The following TBC1D32 variants were observed in gnomAD, a reference collection of about 807,000 sequenced individuals.
The protein encoded by TBC1D32 is TBC1 domain family member 32, also known as protein broad-minded.
In TBC1D32, 151 loss-of-function variants were observed where a neutral mutation model predicts 170.3. That is an observed-to-expected ratio of 0.89 (90% CI 0.78 to 1.01). The LOEUF (loss-of-function observed/expected upper bound fraction) is 1.01, where lower values mean the gene tolerates loss of function less well. Ranked by LOEUF, TBC1D32 falls within the 50% of genes least tolerant of loss-of-function variation. The probability of loss-of-function intolerance (pLI) is 0.00; values close to 1 mark genes in which losing one functional copy is unlikely to be tolerated. For synonymous variants in TBC1D32, 498 were observed against 488.0 expected, an observed-to-expected ratio of 1.02 and a Z score of -0.27; for missense variants, 1,464 against 1,457.1, an observed-to-expected ratio of 1.00 and a Z score of -0.08.
intron 15 of TBC1D32, among the ~76,000 whole-genome samples, chr6:121,266,807 G>A (rs528566678): frequency 5.3e-5 from 8 of 151,802 alleles, no homozygotes; most frequent in Non-Finnish European, 1.2e-4. Flanking sequence ...AAACTAACAC[G>A]GAAACAAAAA....
At chr6:121,251,966 GA>G (rs570787083) in intron 17 of TBC1D32, among the ~76,000 whole-genome samples, 4 of 152,158 alleles carry the variant, frequency 2.6e-5, no homozygotes, top group African/African-American at 9.6e-5. Flanking sequence ...AGAAACATAT[GA>G]AAAAAAGTTC....
chr6:121,142,064 T>C (rs1273741), intron 24 of TBC1D32, among the ~76,000 whole-genome samples: 25,814 of 152,260 alleles, frequency 0.17, 2,822 homozygotes, highest in African/African-American at 0.28. Flanking sequence ...AAATTGTGTT[T>C]GCTCCAAGCC....
intron 1 of TBC1D32, among the ~76,000 whole-genome samples, chr6:121,330,394 C>T (rs1186094257): frequency 1.3e-5 from 2 of 152,126 alleles, no homozygotes; most frequent in Admixed American, 1.3e-4. Flanking sequence ...ATTAAAAAGT[C>T]ACCGGTGAAT....
chr6:121,223,607 C>T (rs920889189), intron 20 of TBC1D32, among the ~76,000 whole-genome samples: 4 of 152,078 alleles, frequency 2.6e-5, no homozygotes, highest in African/African-American at 9.7e-5. Context: ...TTTAAAATGT[C>T]ATATATCTCT....
chr6:121,268,986 C>G (rs1366660953), intron 15 of TBC1D32, among the ~76,000 whole-genome samples: 2 of 152,134 alleles, frequency 1.3e-5, no homozygotes, highest in Admixed American at 1.3e-4. Context: ...GAATTTTCAA[C>G]CCAGAATTTC....
chr6:121,198,203 A>T (rs1002172675), intron 22 of TBC1D32, among the ~76,000 whole-genome samples: 1 of 138,532 alleles, frequency 7.2e-6, no homozygotes, highest in Non-Finnish European at 1.5e-5. Context: ...TATATATTTT[A>T]TATATTATAT....
intron 24 of TBC1D32, among the ~76,000 whole-genome samples, chr6:121,135,699 G>C (rs945691191): frequency 6.6e-6 from 1 of 152,160 alleles, no homozygotes; most frequent in Non-Finnish European, 1.5e-5. Context: ...TCACAAGGCT[G>C]AGAAAGCAAC....
At position 121,313,719 on chromosome 6, in the gene TBC1D32, G is replaced by A. The variant is rs147509746; in HGVS notation, c.496-2872C>T. Among the ~76,000 whole-genome samples, 750 of 152,190 alleles carry A rather than the reference G, an allele frequency of 4.9e-3. 4 individuals carry two copies. The highest frequency in any genetic ancestry group is 0.017 in the African/African-American group (726 of 41,526). ...TAATAATTAAAATCTTATCAAGTGA[G>A]GGTAGCCAGACATGGAGGAACTTCT... On this transcript the variant is annotated intron_variant, in intron 3 of 31. Transcript: ENST00000398212.
intron 14 of TBC1D32, among the ~76,000 whole-genome samples, chr6:121,280,663 G>A (rs947102158): frequency 1.3e-5 from 2 of 151,694 alleles, no homozygotes; most frequent in African/African-American, 2.4e-5. Flanking sequence ...AACACAAGGA[G>A]ATATAATAAC....
At chr6:121,153,025 CA>C (rs1784402409) in intron 24 of TBC1D32, among the ~76,000 whole-genome samples, 1 of 152,090 alleles carries the variant, frequency 6.6e-6, no homozygotes, top group Admixed American at 6.6e-5. Context: ...ATTCTCTGTC[CA>C]AAGTTTTGTT....
chr6:121,211,521 C>A (rs556913876), intron 21 of TBC1D32, among the ~76,000 whole-genome samples: 2 of 152,206 alleles, frequency 1.3e-5, no homozygotes, highest in East Asian at 1.9e-4. Flanking sequence ...TATGCCTTTG[C>A]GTCCTCATAG....
intron 26 of TBC1D32, among the ~76,000 whole-genome samples, chr6:121,121,203 A>G (rs925669093): frequency 6.6e-6 from 1 of 152,030 alleles, no homozygotes; most frequent in Admixed American, 6.6e-5. Context: ...TAGGAATAAG[A>G]GAGGTTACAT....
At chr6:121,328,052 A>C (rs1248604285) in intron 1 of TBC1D32, among the ~76,000 whole-genome samples, 1 of 152,164 alleles carries the variant, frequency 6.6e-6, no homozygotes, top group Non-Finnish European at 1.5e-5. Flanking sequence ...ATTCTGCTAA[A>C]ATTTAGGTCC....
intron 22 of TBC1D32, among the ~76,000 whole-genome samples, chr6:121,201,421 CA>C (rs965202199): frequency 6.6e-6 from 1 of 151,338 alleles, no homozygotes; most frequent in African/African-American, 2.5e-5. Flanking sequence ...CAGGTGAGGA[CA>C]GGGGAAGTGG....
At chr6:121,269,341 C>T (rs1253022688) in intron 15 of TBC1D32, among the ~76,000 whole-genome samples, 1 of 152,026 alleles carries the variant, frequency 6.6e-6, no homozygotes, top group Non-Finnish European at 1.5e-5. Flanking sequence ...AGTCAAGACC[C>T]ATCAGTGTGC....
At chr6:121,196,299 C>G (rs968241147) in intron 22 of TBC1D32, among the ~76,000 whole-genome samples, 3 of 152,156 alleles carry the variant, frequency 2.0e-5, no homozygotes, top group Non-Finnish European at 4.4e-5. Context: ...TTCCACTCAC[C>G]AAGGCTGACC....
At chr6:121,196,898 C>G (rs1790807933) in intron 22 of TBC1D32, among the ~76,000 whole-genome samples, 1 of 152,158 alleles carries the variant, frequency 6.6e-6, no homozygotes, top group Admixed American at 6.5e-5. Context: ...TAGCACCACT[C>G]ACCATCACCC....
At chr6:121,192,080 A>C (rs1485751938) in intron 22 of TBC1D32, among the ~76,000 whole-genome samples, 2 of 136,986 alleles carry the variant, frequency 1.5e-5, no homozygotes, top group South Asian at 2.2e-4. Context: ...ATATATATAT[A>C]TATCCTATTA....
chr6:121,179,612 A>C (rs1788250641), intron 22 of TBC1D32, among the ~76,000 whole-genome samples: 2 of 152,122 alleles, frequency 1.3e-5, no homozygotes, highest in African/African-American at 4.8e-5. Flanking sequence ...AAGCACCTAC[A>C]GGATGAGAAT....
Sources: gnomAD v4.1 joint callset for allele counts (sites outside exome capture counted in the v4.1 genomes callset) on GRCh38, gnomAD v4.1.1 for gene constraint, MANE v1.5 for transcripts, NCBI Gene and HGNC (gene_info 2026-07-23, HGNC 2026-07-21) for gene names.